TNPO3: variants seen among roughly 807,000 people sequenced by gnomAD.
TNPO3 encodes transportin 3.
Under a neutral mutation model 122.8 loss-of-function variants are expected in TNPO3, and 65 were observed. The observed-to-expected ratio is 0.53, with a 90% CI of 0.43 to 0.65. TNPO3 has a LOEUF of 0.65. TNPO3 is among the 30% of genes least tolerant of loss of function. The pLI, the probability that TNPO3 is intolerant of heterozygous loss-of-function variation, is 0.00. For missense variants in TNPO3, 850 were observed against 1,136.7 expected (o/e 0.75, Z 3.63); for synonymous variants, 372 against 411.2 (o/e 0.90, Z 1.15).
chr7:129,011,713 T>C (rs187942433), intron 4 of TNPO3, among the ~76,000 whole-genome samples: 1 of 152,314 alleles, frequency 6.6e-6, no homozygotes. Context: ...TATGAAAACT[T>C]ACTAACTTGA....
rs77154763 is a variant in TNPO3 at position 128,956,870 on chromosome 7, C to T, written c.*31+354G>A. The stretch of plus-strand genomic sequence containing the variant: ...ATAACAGTCAACTTGAGGTTGTTTT[C>T]GCCAAAGTGGCCAGGTTAAAAATAC... On this transcript the variant is annotated intron_variant, in intron 22 of 22. Transcript: ENST00000265388. 6.4e-4 allele frequency among the ~76,000 whole-genome samples: 97 copies of T among 152,274 alleles called. 1 individual carries two copies. In the East Asian group the frequency reaches 0.016, roughly 26 times the overall value.
intron 21 of TNPO3, among the ~76,000 whole-genome samples, chr7:128,967,006 G>A (rs922434610): frequency 1.1e-4 from 16 of 152,158 alleles, no homozygotes; most frequent in African/African-American, 2.9e-4. Context: ...ATCTCCTGAC[G>A]GGGAGTGAGC....
At chr7:129,050,732 C>A (rs954885452) in intron 1 of TNPO3, among the ~76,000 whole-genome samples, 14 of 152,196 alleles carry the variant, frequency 9.2e-5, no homozygotes, top group African/African-American at 3.4e-4. Flanking sequence ...CTTTAGAACA[C>A]TGGCAGTCTA....
At chr7:128,990,252 T>G (rs1324837797) in intron 10 of TNPO3, 152 bp from the exon 11 acceptor site, 1 of 841,602 alleles carries the variant, frequency 1.2e-6, no homozygotes, top group Non-Finnish European at 2.0e-6. Flanking sequence ...TGAAAGATTT[T>G]CAAATCTTCA....
intron 18 of TNPO3, among the ~76,000 whole-genome samples, chr7:128,973,659 CCAGGAG>C (rs1470216630): frequency 2.9e-5 from 4 of 136,206 alleles, no homozygotes; most frequent in African/African-American, 1.1e-4. Context: ...TGGCGTGAAC[CCAGGAG>C]GCAGAGCTTG....
chr7:129,044,479 T>G lies in TNPO3; in HGVS notation c.120+10172A>C, dbSNP rs566536609. 2.6e-5 allele frequency among the ~76,000 whole-genome samples: 4 copies of G among 152,344 alleles called. No individual in the cohort carries two copies. The South Asian group carries it at 8.3e-4, about 32-fold the overall frequency. ...GAAAACCCACCAAAAGGAAAAATAC[T>G]TGTTTTCTAATTTCATTTTGGATAC... On this transcript the variant is annotated intron_variant, in intron 1 of 22. Coordinates refer to ENST00000265388, the MANE Select transcript of TNPO3 (RefSeq NM_012470.4).
At chr7:128,964,949 G>C (rs981348707) in intron 21 of TNPO3, among the ~76,000 whole-genome samples, 1 of 152,058 alleles carries the variant, frequency 6.6e-6, no homozygotes, top group Non-Finnish European at 1.5e-5. Flanking sequence ...ACTCAAAAAG[G>C]ATCAAAGACC....
In TNPO3 at chr7:128,972,418, A is replaced by G; in HGVS notation, c.2430+8T>C. ...GTTAAGTAGAAATGGTATCATTTTT[A>G]TACTTACATCATTGGCTACCCCTGT... On this transcript the variant is annotated splice_region_variant and intron_variant, in intron 19 of 22. Transcript: ENST00000265388. 2 of 1,607,218 alleles carry G rather than the reference A, an allele frequency of 1.2e-6. No homozygotes were observed. The highest frequency in any genetic ancestry group is 1.1e-5 in the South Asian group (1 of 89,834).
At chr7:129,055,923 C>A (rs2150589901), upstream of TNPO3, 2 of 642,616 alleles carry the variant, frequency 3.1e-6, no homozygotes, top group Non-Finnish European at 5.7e-6. Context: ...ACTGTAGTTA[C>A]AAGATCTCAT....
chr7:129,051,644 A>G (rs1487346747), intron 1 of TNPO3, among the ~76,000 whole-genome samples: 1 of 151,518 alleles, frequency 6.6e-6, no homozygotes, highest in Non-Finnish European at 1.5e-5. Context: ...CCTGGCTGGC[A>G]ACTTTTTTGT....
intron 9 of TNPO3, among the ~76,000 whole-genome samples, chr7:128,992,859 T>C (rs542208821): frequency 3.3e-5 from 5 of 152,202 alleles, no homozygotes; most frequent in African/African-American, 9.6e-5. Context: ...TTGAACAACA[T>C]TGATAATTTA....
chr7:128,988,522 T>A (rs568791117), intron 11 of TNPO3, among the ~76,000 whole-genome samples: 2 of 152,194 alleles, frequency 1.3e-5, no homozygotes, highest in African/African-American at 2.4e-5. Context: ...ATTCTGAGTA[T>A]GAACATAGAG....
chr7:128,969,472 A>G (rs118129055), intron 20 of TNPO3, among the ~76,000 whole-genome samples: 2 of 151,826 alleles, frequency 1.3e-5, no homozygotes, highest in African/African-American at 4.8e-5. Context: ...CTGCTTTTAC[A>G]GTAATATTAA....
chr7:128,993,511 C>T (rs1326022265), intron 9 of TNPO3, among the ~76,000 whole-genome samples: 3 of 152,176 alleles, frequency 2.0e-5, no homozygotes, highest in East Asian at 3.8e-4. Context: ...TATAAGTATC[C>T]TAGAGGCTTT....
intron 1 of TNPO3, among the ~76,000 whole-genome samples, chr7:129,034,627 C>A (rs145696656): frequency 9.2e-5 from 14 of 151,896 alleles, no homozygotes; most frequent in Non-Finnish European, 1.5e-5. Context: ...CGGTGGCTCA[C>A]GCCTGTAATC....
At chr7:129,039,757 TAATA>T (rs1192739166) in intron 1 of TNPO3, among the ~76,000 whole-genome samples, 4 of 152,162 alleles carry the variant, frequency 2.6e-5, no homozygotes, top group African/African-American at 4.8e-5. Context: ...AGTGAAGTAA[TAATA>T]TATACTATAA....
At position 128,984,063 on chromosome 7, in the gene TNPO3, G is replaced by A. The variant is rs143657407; in HGVS notation, c.1782+105C>T. 4.1e-3 allele frequency: 2,529 copies of A among 612,256 alleles called. 11 individuals carry two copies. Among genetic ancestry groups the A allele is most frequent in the Non-Finnish European group, 5.5e-3 (2,114 of 383,152 alleles). The allele number at this position is 612,256 out of a possible 1,614,324, so 37.9% of individuals were successfully genotyped here. On this transcript the variant is annotated intron_variant, in intron 13 of 22. Coordinates refer to ENST00000265388, the MANE Select transcript of TNPO3 (RefSeq NM_012470.4). Reference sequence around the variant, plus strand: ...AATAAATTCTTAGTGCATTTTCTTGGATTTTCTAGGTAGACAAAAGATCTG... The same window carrying A: ...AATAAATTCTTAGTGCATTTTCTTGAATTTTCTAGGTAGACAAAAGATCTG...
At chr7:128,998,028 A>G (rs1037408410) in intron 7 of TNPO3, among the ~76,000 whole-genome samples, 114 of 119,138 alleles carry the variant, frequency 9.6e-4, no homozygotes, top group Admixed American at 8.8e-5. Context: ...TTTTTTTTTT[A>G]GTAGAAACAG....
At chr7:129,030,040 G>A (rs1805743720) in intron 1 of TNPO3, 2 of 152,690 alleles carry the variant, frequency 1.3e-5, no homozygotes, top group Admixed American at 1.3e-4. Context: ...AAGAAAGAAA[G>A]AAAAAAAAGA....
Sources: gnomAD v4.1 joint callset for allele counts (sites outside exome capture counted in the v4.1 genomes callset) on GRCh38, gnomAD v4.1.1 for gene constraint, MANE v1.5 for transcripts, NCBI Gene and HGNC (gene_info 2026-07-23, HGNC 2026-07-21) for gene names.